The following ADAMTSL1 variants were observed in gnomAD, a reference collection of about 807,000 sequenced individuals.
The protein encoded by ADAMTSL1 is ADAMTS like 1.
Under a neutral mutation model 201.8 loss-of-function variants are expected in ADAMTSL1, and 126 were observed. The ratio of observed to expected loss-of-function variants is 0.62; its 90% confidence interval spans 0.54 to 0.72. ADAMTSL1 has a LOEUF of 0.72. Among genes scored for constraint, ADAMTSL1 ranks in the 30% least tolerant of loss-of-function variants. The pLI is 0.00. For missense variants in ADAMTSL1, 2,679 were observed against 2,277.8 expected (o/e 1.18, Z -3.59); for synonymous variants, 1,121 against 903.4 (o/e 1.24, Z -4.32).
chr9:18,247,594 A>G (rs538411846), intron 2 of ADAMTSL1, among the ~76,000 whole-genome samples: 4 of 152,186 alleles, frequency 2.6e-5, no homozygotes, highest in Non-Finnish European at 4.4e-5. Flanking sequence ...GTTGTATTTT[A>G]TTTTATTTTA....
intron 15 of ADAMTSL1, among the ~76,000 whole-genome samples, chr9:18,746,131 G>T (rs902123016): frequency 6.6e-6 from 1 of 152,208 alleles, no homozygotes; most frequent in Non-Finnish European, 1.5e-5. Context: ...ACCAGTGGAG[G>T]TTTTTAATCA....
chr9:17,919,461 C>T (rs765945615), intron 1 of ADAMTSL1, among the ~76,000 whole-genome samples: 20 of 151,896 alleles, frequency 1.3e-4, no homozygotes, highest in Admixed American at 3.9e-4. Context: ...AAATCTTGTA[C>T]CCTTTATATC....
At chr9:18,395,183 C>T (rs1817704151) in intron 2 of ADAMTSL1, among the ~76,000 whole-genome samples, 1 of 152,156 alleles carries the variant, frequency 6.6e-6, no homozygotes, top group Admixed American at 6.6e-5. Context: ...AGCATTATGT[C>T]ATGGAAAAGC....
chr9:18,441,374 C>A (rs988620543), intron 2 of ADAMTSL1, among the ~76,000 whole-genome samples: 2 of 152,036 alleles, frequency 1.3e-5, no homozygotes, highest in African/African-American at 4.8e-5. Context: ...AATAGCTGGC[C>A]CTCTTTGGGG....
At chr9:18,172,843 C>T (rs1827964962) in intron 2 of ADAMTSL1, among the ~76,000 whole-genome samples, 1 of 151,926 alleles carries the variant, frequency 6.6e-6, no homozygotes, top group Non-Finnish European at 1.5e-5. Flanking sequence ...GGAAGGGATA[C>T]CATTTTACAA....
intron 2 of ADAMTSL1, among the ~76,000 whole-genome samples, chr9:18,299,989 A>G (rs1833635790): frequency 6.6e-6 from 1 of 152,236 alleles, no homozygotes; most frequent in Non-Finnish European, 1.5e-5. Flanking sequence ...GTGAAGAAAT[A>G]GGAACACTTT....
intron 3 of ADAMTSL1, among the ~76,000 whole-genome samples, chr9:18,559,491 C>G (rs1372308778): frequency 6.6e-6 from 1 of 152,102 alleles, no homozygotes; most frequent in Non-Finnish European, 1.5e-5. Flanking sequence ...GCTATATGAG[C>G]TCTTTTTTGG....
intron 5 of ADAMTSL1, 194 bp downstream of exon 5, chr9:18,622,563 A>G (rs1341213948): frequency 4.1e-6 from 3 of 739,768 alleles, no homozygotes; most frequent in East Asian, 5.4e-5. Context: ...TGCAGTCCCA[A>G]AGAGGAAGCC....
intron 23 of ADAMTSL1, among the ~76,000 whole-genome samples, chr9:18,864,458 A>G (rs1192399349): frequency 6.6e-6 from 1 of 152,248 alleles, no homozygotes; most frequent in East Asian, 1.9e-4. Context: ...CCACTGGCCA[A>G]AAATCTTGGT....
At chr9:18,797,695 A>G (rs1039368149) in intron 20 of ADAMTSL1, among the ~76,000 whole-genome samples, 2 of 152,212 alleles carry the variant, frequency 1.3e-5, no homozygotes, top group African/African-American at 4.8e-5. Context: ...GACAAAGTAT[A>G]TAACCTCATT....
chr9:18,051,798 T>G (rs1821954434), intron 1 of ADAMTSL1, among the ~76,000 whole-genome samples: 1 of 152,194 alleles, frequency 6.6e-6, no homozygotes, highest in Admixed American at 6.5e-5. Context: ...TCTCTCTCTG[T>G]TGGTTTGTGA....
At chr9:18,287,383 ATG>A (rs771648796) in intron 2 of ADAMTSL1, among the ~76,000 whole-genome samples, 42 of 152,046 alleles carry the variant, frequency 2.8e-4, no homozygotes, top group Middle Eastern at 6.9e-3. Flanking sequence ...ACATGTATAT[ATG>A]TGTGTATATA....
intron 1 of ADAMTSL1, among the ~76,000 whole-genome samples, chr9:18,120,103 C>T (rs1399118884): frequency 6.6e-6 from 1 of 152,158 alleles, no homozygotes; most frequent in Admixed American, 6.6e-5. Context: ...CTGGATCAGG[C>T]TCTCTCTAGG....
chr9:18,384,554 G>A (rs1407762369), intron 2 of ADAMTSL1, among the ~76,000 whole-genome samples: 1 of 152,074 alleles, frequency 6.6e-6, no homozygotes, highest in African/African-American at 2.4e-5. Flanking sequence ...GAAGAGTGTT[G>A]AATCCAAAAA....
chr9:17,964,436 C>T (rs1377151474), intron 1 of ADAMTSL1, among the ~76,000 whole-genome samples: 1 of 152,024 alleles, frequency 6.6e-6, no homozygotes, highest in South Asian at 2.1e-4. Context: ...TTAGTGGTAG[C>T]CAGGGGTTAG....
intron 2 of ADAMTSL1, among the ~76,000 whole-genome samples, chr9:18,254,028 CGT>C: frequency 6.6e-6 from 1 of 152,252 alleles, no homozygotes; most frequent in East Asian, 1.9e-4. Context: ...CAGATATCAT[CGT>C]GTTTGGGAGG....
chr9:18,440,547 AG>A (rs1456404771), intron 2 of ADAMTSL1, among the ~76,000 whole-genome samples: 2 of 151,668 alleles, frequency 1.3e-5, no homozygotes, highest in Non-Finnish European at 2.9e-5. Flanking sequence ...TTAAATTTTT[AG>A]GTAAATAAAA....
chr9:18,779,497 C>T (rs143419023), intron 19 of ADAMTSL1, among the ~76,000 whole-genome samples: 2 of 152,294 alleles, frequency 1.3e-5, no homozygotes, highest in Admixed American at 6.5e-5. Flanking sequence ...GTTACCACAT[C>T]TTAGATAGAA....
intron 1 of ADAMTSL1, among the ~76,000 whole-genome samples, chr9:18,035,454 C>T (rs1011926778): frequency 1.3e-5 from 2 of 152,164 alleles, no homozygotes; most frequent in Admixed American, 1.3e-4. Context: ...GGGGTAATAG[C>T]ATCAGTTATC....
Sources: allele counts gnomAD v4.1 joint callset (sites outside exome capture counted in the v4.1 genomes callset), GRCh38; gene constraint gnomAD v4.1.1; transcripts MANE v1.5; gene names NCBI Gene and HGNC (gene_info 2026-07-23, HGNC 2026-07-21).